CLNK: variants seen among roughly 807,000 people sequenced by gnomAD.
CLNK encodes cytokine-dependent hematopoietic cell linker.
CLNK carries 74 observed loss-of-function variants against 68.6 expected under a neutral mutation model. The observed-to-expected ratio is 1.08, with a 90% CI of 0.89 to 1.31. The LOEUF (loss-of-function observed/expected upper bound fraction) is 1.31. Ranked by LOEUF, CLNK falls within the 50% of genes most tolerant of loss-of-function variation. The probability of loss-of-function intolerance (pLI) is 0.00; values close to 1 mark genes in which losing one functional copy is unlikely to be tolerated. For missense variants in CLNK, 553 were observed against 515.3 expected (o/e 1.07, Z -0.71); for synonymous variants, 198 against 172.2 (o/e 1.15, Z -1.17).
chr4:10,664,673 G>A (rs1724322826), intron 2 of CLNK, among the ~76,000 whole-genome samples: 1 of 152,218 alleles, frequency 6.6e-6, no homozygotes, highest in African/African-American at 2.4e-5. Flanking sequence ...GGGCTGGGCT[G>A]TAGCAGCTGA....
At position 10,489,734 on chromosome 4, in the gene CLNK, T is replaced by A. The variant is rs889062726; in HGVS notation, c.*733A>T. ...TGGATTGGAGTGCAGTGGCGCGATT[T>A]CGGCTCACTGCAAGCTCCGCCTCCC... On this transcript the variant is annotated 3_prime_UTR_variant, in exon 19 of 19. Transcript: ENST00000226951. 1 of 63,548 alleles carries A rather than the reference T, an allele frequency of 1.6e-5. No individual in the cohort carries two copies. Among genetic ancestry groups the A allele is most frequent in the African/African-American group, 4.4e-5 (1 of 22,898 alleles). 3.9% of individuals were successfully genotyped at this position (63,548 alleles called of 1,614,324 possible). A position where few individuals can be genotyped will look rare whatever the true frequency, so the allele number is the denominator to read the frequency against.
chr4:10,567,147 A>AC (rs1313011894), intron 5 of CLNK, among the ~76,000 whole-genome samples: 8 of 151,914 alleles, frequency 5.3e-5, no homozygotes, highest in Non-Finnish European at 1.0e-4. Context: ...AAAAAAAAAA[A>AC]AAAAGATAAA....
At chr4:10,515,652 C>T (rs555913720) in intron 15 of CLNK, among the ~76,000 whole-genome samples, 11 of 152,162 alleles carry the variant, frequency 7.2e-5, no homozygotes, top group Admixed American at 2.0e-4. Flanking sequence ...TTTGCAAGTG[C>T]AAACTGGAAT....
chr4:10,652,481 TAG>T (rs1723784492), intron 2 of CLNK, among the ~76,000 whole-genome samples: 1 of 148,200 alleles, frequency 6.7e-6, no homozygotes, highest in Non-Finnish European at 1.5e-5. Context: ...AATGTAAGAA[TAG>T]AAAAGTGTCA....
At chr4:10,643,177 A>C (rs535774171) in intron 2 of CLNK, among the ~76,000 whole-genome samples, 1 of 152,322 alleles carries the variant, frequency 6.6e-6, no homozygotes, top group East Asian at 1.9e-4. Context: ...TCTTCCTGGA[A>C]GTTACAAATA....
intron 18 of CLNK, among the ~76,000 whole-genome samples, chr4:10,499,597 T>C (rs928526118): frequency 6.6e-6 from 1 of 152,256 alleles, no homozygotes; most frequent in African/African-American, 2.4e-5. Context: ...TTTTGTTATC[T>C]GTTGAAGAAC....
At chr4:10,601,730 T>C (rs745361825) in intron 2 of CLNK, among the ~76,000 whole-genome samples, 4 of 152,222 alleles carry the variant, frequency 2.6e-5, no homozygotes, top group Non-Finnish European at 4.4e-5. Context: ...CACATCATTT[T>C]ACAAGGCCTC....
chr4:10,621,779 T>G (rs906561020), intron 2 of CLNK, among the ~76,000 whole-genome samples: 4 of 152,302 alleles, frequency 2.6e-5, no homozygotes, highest in Middle Eastern at 3.4e-3. Flanking sequence ...ACTTTCTTTG[T>G]GTGCTGTGGA....
chr4:10,558,761 A>G (rs1190993940), intron 7 of CLNK, among the ~76,000 whole-genome samples: 1 of 152,232 alleles, frequency 6.6e-6, no homozygotes, highest in Admixed American at 6.5e-5. Flanking sequence ...TCTTTATCAT[A>G]GGAAAAATGC....
chr4:10,729,190 T>C, the CLNK span, among the ~76,000 whole-genome samples: 1 of 152,200 alleles, frequency 6.6e-6, no homozygotes, highest in East Asian at 1.9e-4. Flanking sequence ...CTGTACCTTT[T>C]AATTTAGGGT....
intron 2 of CLNK, among the ~76,000 whole-genome samples, chr4:10,623,412 A>G (rs777088176): frequency 1.3e-5 from 2 of 152,172 alleles, no homozygotes; most frequent in Non-Finnish European, 2.9e-5. Flanking sequence ...GGGTAATACA[A>G]TACGGTGGCC....
chr4:10,573,257 A>G (rs1337156655), intron 4 of CLNK, among the ~76,000 whole-genome samples: 1 of 152,232 alleles, frequency 6.6e-6, no homozygotes, highest in African/African-American at 2.4e-5. Flanking sequence ...AATTAATGCA[A>G]ATTTGGCTCA....
At chr4:10,518,945 A>C (rs150859351) in intron 15 of CLNK, among the ~76,000 whole-genome samples, 17 of 152,282 alleles carry the variant, frequency 1.1e-4, no homozygotes, top group Non-Finnish European at 2.2e-4. Flanking sequence ...TACCCAGTAG[A>C]ATGAGTATCG....
the CLNK span, among the ~76,000 whole-genome samples, chr4:10,719,389 G>A: frequency 6.6e-6 from 1 of 151,930 alleles, no homozygotes; most frequent in Non-Finnish European, 1.5e-5. Flanking sequence ...AATTTACAAA[G>A]ATTAATCAAA....
chr4:10,702,212 A>G, the CLNK span, among the ~76,000 whole-genome samples: 1 of 152,192 alleles, frequency 6.6e-6, no homozygotes, highest in Non-Finnish European at 1.5e-5. Context: ...GACCTGAAGC[A>G]AGGAAGGAAA....
chr4:10,628,214 T>C (rs1462607950), intron 2 of CLNK, among the ~76,000 whole-genome samples: 1 of 152,190 alleles, frequency 6.6e-6, no homozygotes, highest in Non-Finnish European at 1.5e-5. Context: ...TATGGTCTGG[T>C]CTTTAATAAT....
the CLNK span, among the ~76,000 whole-genome samples, chr4:10,728,030 A>C: frequency 1.3e-3 from 192 of 151,580 alleles, no homozygotes; most frequent in Non-Finnish European, 2.6e-4. Context: ...CGTTAAAAAT[A>C]TTTTGCCTCC....
At chr4:10,537,735 C>CTTTCTTTCTTTCTTTCTTTCTTTA (rs1718854296) in intron 11 of CLNK, among the ~76,000 whole-genome samples, 2 of 126,714 alleles carry the variant, frequency 1.6e-5, no homozygotes, top group African/African-American at 3.0e-5. Context: ...TTCTTTCTTT[C>CTTTCTTTCTTTCTTTCTTTCTTTA]TTCCTTTCTT....
At chr4:10,696,181 C>A in the CLNK span, among the ~76,000 whole-genome samples, 1 of 152,048 alleles carries the variant, frequency 6.6e-6, no homozygotes, top group African/African-American at 2.4e-5. Flanking sequence ...AAGTAGATGG[C>A]GTGAGGATGA....
Sources: allele counts gnomAD v4.1 joint callset (sites outside exome capture counted in the v4.1 genomes callset), GRCh38; gene constraint gnomAD v4.1.1; transcripts MANE v1.5; gene names NCBI Gene and HGNC (gene_info 2026-07-23, HGNC 2026-07-21).